Variants in FIP1L1 observed in about 807,000 individuals in gnomAD.
FIP1L1 encodes the protein pre-mRNA 3'-end-processing factor FIP1.
A neutral mutation model predicts 84.6 loss-of-function variants in FIP1L1; 21 were observed. The ratio of observed to expected loss-of-function variants is 0.25; its 90% CI spans 0.18 to 0.36. The LOEUF (loss-of-function observed/expected upper bound fraction) is 0.36. FIP1L1 is among the 10% of genes least tolerant of loss of function. The probability of loss-of-function intolerance (pLI) is 1.00; values close to 1 mark genes in which losing one functional copy is unlikely to be tolerated. For synonymous variants in FIP1L1, 263 were observed against 242.3 expected (o/e 1.09, Z -0.80); for missense variants, 526 against 751.1 (o/e 0.70, Z 3.50).
At chr4:53,444,185 C>A in intron 15 of FIP1L1, 82 bp downstream of exon 15, 3 of 890,140 alleles carry the variant, frequency 3.4e-6, no homozygotes, top group South Asian at 2.8e-5. Context: ...AAAACGTGTT[C>A]ATGGTTTAAC....
Position 53,386,955 on chromosome 4 carries a change from C to T in FIP1L1, c.333-2854C>T, listed in dbSNP as rs112631849. ...TAACCAGAAACAGAAACTAAGGACT[C>T]ATGACTGTATTCTCTCCCTTAGACA... is the stretch of plus-strand genomic sequence containing the variant. On this transcript the variant is annotated intron_variant, in intron 5 of 17. Coordinates refer to ENST00000337488, the MANE Select transcript of FIP1L1 (RefSeq NM_030917.4). Among the ~76,000 whole-genome samples the T allele has an allele frequency of 8.7e-3, 1,332 of 152,254 alleles. 23 individuals carry two copies. The highest frequency in any genetic ancestry group is 0.03 in the African/African-American group (1,259 of 41,550).
intron 10 of FIP1L1, among the ~76,000 whole-genome samples, chr4:53,412,642 G>A (rs1253721784): frequency 2.6e-5 from 4 of 152,140 alleles, no homozygotes; most frequent in East Asian, 3.9e-4. Context: ...CCTTCTCAGT[G>A]TATTGGCTTG....
chr4:53,451,395 AT>A (rs1383844433), intron 15 of FIP1L1, among the ~76,000 whole-genome samples: 1 of 151,838 alleles, frequency 6.6e-6, no homozygotes, highest in Non-Finnish European at 1.5e-5. Flanking sequence ...AAAAATACAA[AT>A]CAACAATCTT....
rs546833020 is a variant in FIP1L1, at chr4:53,452,569, T to C, written c.1286-351T>C. Among the ~76,000 whole-genome samples the C allele has an allele frequency of 2.6e-5, 4 of 152,316 alleles. No individual in the cohort carries two copies. In the East Asian group the frequency reaches 5.8e-4, roughly 22 times the overall value. On this transcript the variant is annotated intron_variant, in intron 15 of 17. Coordinates refer to ENST00000337488, the MANE Select transcript of FIP1L1 (RefSeq NM_030917.4). The stretch of plus-strand genomic sequence containing the variant: ...CCTAGCCTCAAGTTATCTGCCCGCC[T>C]TGGCTTCCCAAAGCGTTGGGATTAC...
intron 13 of FIP1L1, among the ~76,000 whole-genome samples, chr4:53,435,775 T>G (rs1325822445): frequency 2.0e-5 from 3 of 152,238 alleles, no homozygotes; most frequent in Non-Finnish European, 4.4e-5. Flanking sequence ...TGCCATATTC[T>G]TTCTACATTC....
chr4:53,394,971 G>A (rs1746451429), intron 9 of FIP1L1, among the ~76,000 whole-genome samples: 1 of 152,098 alleles, frequency 6.6e-6, no homozygotes, highest in African/African-American at 2.4e-5. Context: ...TTTTAGTACA[G>A]TGGTAGCATA....
chr4:53,415,062 T>C (rs1196186981), intron 11 of FIP1L1, among the ~76,000 whole-genome samples: 3 of 152,144 alleles, frequency 2.0e-5, no homozygotes, highest in Admixed American at 6.5e-5. Flanking sequence ...TCACTACTTA[T>C]CGAATAAAAC....
chr4:53,406,386 T>G (rs545654592), intron 10 of FIP1L1, among the ~76,000 whole-genome samples: 1 of 152,216 alleles, frequency 6.6e-6, no homozygotes, highest in African/African-American at 2.4e-5. Context: ...ATAAGCTTTT[T>G]GATGTGCTGC....
At chr4:53,418,660 C>T (rs1483056290) in intron 11 of FIP1L1, among the ~76,000 whole-genome samples, 1 of 152,056 alleles carries the variant, frequency 6.6e-6, no homozygotes, top group Non-Finnish European at 1.5e-5. Context: ...AAGTTCTGTT[C>T]CTCTTAATTT....
At chr4:53,454,681 A>G (rs1717997620) in intron 16 of FIP1L1, among the ~76,000 whole-genome samples, 1 of 152,168 alleles carries the variant, frequency 6.6e-6, no homozygotes, top group African/African-American at 2.4e-5. Context: ...GATTTACCAT[A>G]ATTCTAAGGA....
chr4:53,443,256 T>A (rs1444742439), intron 14 of FIP1L1, among the ~76,000 whole-genome samples: 1 of 152,114 alleles, frequency 6.6e-6, no homozygotes, highest in Non-Finnish European at 1.5e-5. Context: ...CAGTATGGTG[T>A]TTAACAACAT....
intron 10 of FIP1L1, among the ~76,000 whole-genome samples, chr4:53,402,740 G>A (rs1159286759): frequency 3.9e-5 from 6 of 152,088 alleles, no homozygotes; most frequent in Admixed American, 3.9e-4. Context: ...ATATTTATGG[G>A]AATGAGTTAT....
chr4:53,408,912 G>GT (rs1334212466), intron 10 of FIP1L1, among the ~76,000 whole-genome samples: 1 of 143,224 alleles, frequency 7.0e-6, no homozygotes, highest in Non-Finnish European at 1.5e-5. Flanking sequence ...TTTTTTCAAA[G>GT]TTTTTAACTT....
chr4:53,388,484 AC>A (rs1414293932), intron 5 of FIP1L1, among the ~76,000 whole-genome samples: 7 of 151,634 alleles, frequency 4.6e-5, no homozygotes, highest in Non-Finnish European at 8.8e-5. Context: ...ACAGGCGCCC[AC>A]CCCCATGCCT....
In FIP1L1 at chr4:53,459,824, CACA is replaced by C. The variant is rs1721470019; in HGVS notation, c.*377_*379del. On this transcript the variant is annotated 3_prime_UTR_variant, in exon 18 of 18. Coordinates refer to ENST00000337488, the MANE Select transcript of FIP1L1 (RefSeq NM_030917.4). ...ACACCACTCTCTTAAGAGGCTGCAT[CACA>C]AAAGGCAACAAAGGGCCCCTCTAAG... The C allele has an allele frequency of 3.8e-6, 1 of 260,108 alleles. No individual in the cohort carries two copies. Among genetic ancestry groups the C allele is most frequent in the Non-Finnish European group, 7.4e-6 (1 of 135,254 alleles). The allele number at this position is 260,108 out of a possible 1,614,324, so 16.1% of individuals were successfully genotyped here. A position where few individuals can be genotyped will look rare whatever the true frequency, so the allele number is the denominator to read the frequency against.
chr4:53,410,341 C>G (rs116113000), intron 10 of FIP1L1, among the ~76,000 whole-genome samples: 1 of 152,200 alleles, frequency 6.6e-6, no homozygotes, highest in Non-Finnish European at 1.5e-5. Flanking sequence ...TTGAGTTCTT[C>G]GACAGCTTCT....
intron 16 of FIP1L1, among the ~76,000 whole-genome samples, chr4:53,456,545 ATTTTAGCAG>A (rs11279815): frequency 0.55 from 83,642 of 151,360 alleles, 24,925 homozygotes; most frequent in Non-Finnish European, 0.67. Context: ...GAAGGCTGGT[ATTTTAGCAG>A]TATGGCATGT....
chr4:53,429,655 T>C (rs576472103), intron 13 of FIP1L1, among the ~76,000 whole-genome samples: 2 of 152,242 alleles, frequency 1.3e-5, no homozygotes, highest in Non-Finnish European at 2.9e-5. Flanking sequence ...AATTTTCTTT[T>C]TTTAATTCTT....
In FIP1L1 at chr4:53,458,723, AAAG is replaced by A. The variant is rs772249482; in HGVS notation, c.1576_1578del (p.Glu526del). ...TGAGCGTCACAGAGCAAGTCGAGAA[AAAG>A]AAGAACGACATAGAGAAAGACGACA... On this transcript the variant is annotated inframe_deletion, in exon 17 of 18. Transcript: ENST00000337488. 5 of 1,613,340 alleles carry A rather than the reference AAAG, an allele frequency of 3.1e-6. No individual in the cohort carries two copies. The highest frequency in any genetic ancestry group is 2.2e-5 in the East Asian group (1 of 44,824).
Sources: allele counts gnomAD v4.1 joint callset (sites outside exome capture counted in the v4.1 genomes callset), GRCh38; gene constraint gnomAD v4.1.1; transcripts MANE v1.5; gene names NCBI Gene and HGNC (gene_info 2026-07-23, HGNC 2026-07-21).